Variants in SMCR8 observed in about 807,000 individuals in gnomAD.
SMCR8 encodes SMCR8-C9orf72 complex subunit.
A neutral mutation model predicts 56.6 loss-of-function variants in SMCR8; 30 were observed. The observed-to-expected ratio is 0.53, with a 90% CI of 0.40 to 0.72. The LOEUF (loss-of-function observed/expected upper bound fraction) is 0.72, where lower values mean the gene tolerates loss of function less well. Among genes scored for constraint, SMCR8 ranks in the 30% least tolerant of loss-of-function variants. The pLI is 0.00. For synonymous variants in SMCR8, 538 were observed against 456.0 expected (o/e 1.18, Z -2.29); for missense variants, 1,198 against 1,157.0 (o/e 1.04, Z -0.51).
chr17:18,317,797 A>G lies in SMCR8; in HGVS notation c.2008A>G (p.Asn670Asp), dbSNP rs911318729. Reference sequence around the variant, plus strand: ...GGACATCAGTAAGACCAGCCTGGACAACTACTCAGACACCACCAGCTACGT... The same window carrying G: ...GGACATCAGTAAGACCAGCCTGGACGACTACTCAGACACCACCAGCTACGT... ...SRDISKTSLD[N>D]YSDTTSYVSS... The change falls in exon 1 of 2, where the codon AAC becomes GAC. Residue 670 changes from asparagine (N) to aspartate (D), a missense_variant. Asn to Asp is a conservative substitution (Grantham distance 23). Transcript: ENST00000406438. 2.5e-6 allele frequency: 4 copies of G among 1,614,058 alleles called. No individual in the cohort carries two copies. The highest frequency in any genetic ancestry group is 1.3e-5 in the African/African-American group (1 of 74,946).
rs1982557975 is a variant in SMCR8 at position 18,323,257 on chromosome 17, A to G, written c.*187A>G. 1 of 584,806 alleles carries G rather than the reference A, an allele frequency of 1.7e-6. No homozygotes were observed. Among genetic ancestry groups the G allele is most frequent in the African/African-American group, 1.9e-5 (1 of 53,816 alleles). The allele number at this position is 584,806 out of a possible 1,614,324, so 36.2% of individuals were successfully genotyped here. A position where few individuals can be genotyped will look rare whatever the true frequency, so the allele number is the denominator to read the frequency against. On this transcript the variant is annotated 3_prime_UTR_variant, in exon 2 of 2. Transcript: ENST00000406438. ...AGAAGTGGAGCCTGGCTCCCTCTAAAGGCGTCTGGAGGGATGGTGACAGCT... is the reference window on the plus strand; with the variant it reads ...AGAAGTGGAGCCTGGCTCCCTCTAAGGGCGTCTGGAGGGATGGTGACAGCT...
chr17:18,323,502 T>C lies in SMCR8; in HGVS notation c.*432T>C, dbSNP rs1395131125. The C allele has an allele frequency of 1.1e-5, 2 of 185,718 alleles. No individual in the cohort carries two copies. Among genetic ancestry groups the C allele is most frequent in the Non-Finnish European group, 2.3e-5 (2 of 86,924 alleles). The allele number at this position is 185,718 out of a possible 1,614,324, so 11.5% of individuals were successfully genotyped here. ...GAGGGTGACAGCCAGGTAACTGTTG[T>C]GGTTTGGTGGAAAACAGGAGGGCAG... On this transcript the variant is annotated 3_prime_UTR_variant, in exon 2 of 2. Coordinates refer to ENST00000406438, the MANE Select transcript of SMCR8 (RefSeq NM_144775.3).
chr17:18,323,216 T>A lies in SMCR8; in HGVS notation c.*146T>A. On this transcript the variant is annotated 3_prime_UTR_variant, in exon 2 of 2. Transcript: ENST00000406438. ...TTCCCACGTGGCTCCTAGTAGTTTT[T>A]AAGTTGGACATGGGCAGAAGTGGAG... 1 of 699,988 alleles carries A rather than the reference T, an allele frequency of 1.4e-6. No homozygotes were observed. Among genetic ancestry groups the A allele is most frequent in the Non-Finnish European group, 2.4e-6 (1 of 423,758 alleles). 43.4% of individuals were successfully genotyped at this position (699,988 alleles called of 1,614,324 possible).
intron 1 of SMCR8, among the ~76,000 whole-genome samples, chr17:18,322,163 C>T (rs1207519465): frequency 6.6e-6 from 1 of 152,122 alleles, no homozygotes; most frequent in Non-Finnish European, 1.5e-5. Context: ...AGGCACCTGC[C>T]ACCACACCCG....
intron 1 of SMCR8, 31 bp from the exon 2 acceptor site, chr17:18,322,586 C>G: frequency 1.9e-6 from 3 of 1,599,016 alleles, no homozygotes; most frequent in Non-Finnish European, 2.6e-6. Flanking sequence ...GGCCCTTGCC[C>G]TTCCTCCTGA....
At chr17:18,319,720 T>TTTG (rs548980771) in intron 1 of SMCR8, among the ~76,000 whole-genome samples, 2,554 of 152,094 alleles carry the variant, frequency 0.017, 24 homozygotes, top group Non-Finnish European at 0.023. Context: ...TTGTGTGTTT[T>TTTG]TTGTTGTTGT....
Position 18,317,100 on chromosome 17 carries a change from G to A in SMCR8, c.1311G>A (p.Glu437=). 1 of 1,614,228 alleles carries A rather than the reference G, an allele frequency of 6.2e-7. No homozygotes were observed. The highest frequency in any genetic ancestry group is 1.1e-5 in the South Asian group (1 of 91,088). ...TGGAGCAGGAACTGGGAGATGAGGA[G>A]TACAAGGAAGTGGAAGTGACTGAGT... The part of the protein sequence containing the change: ...IKMEQELGDE[E]YKEVEVTELS... The change falls in exon 1 of 2, where the codon GAG becomes GAA. Residue 437 remains glutamate (E), a synonymous_variant. Transcript: ENST00000406438.
rs1982287898 is a variant in SMCR8 at position 18,316,455 on chromosome 17, A to G, written c.666A>G (p.Lys222=). ...ETEIQKKAND[K]GFYSSQAIEK... is the part of the protein sequence containing the mutation. ...AGATCCAGAAGAAAGCCAACGACAAAGGCTTTTACTCATCTCAGGCAATTG... is the reference window on the plus strand; with the variant it reads ...AGATCCAGAAGAAAGCCAACGACAAGGGCTTTTACTCATCTCAGGCAATTG... The change falls in exon 1 of 2, where the codon AAA becomes AAG. Residue 222 remains lysine, a synonymous_variant. Transcript: ENST00000406438. 3.7e-6 allele frequency: 6 copies of G among 1,614,058 alleles called. No individual in the cohort carries two copies. The highest frequency in any genetic ancestry group is 3.3e-5 in the South Asian group (3 of 91,090).
Position 18,322,851 on chromosome 17 carries a change from C to T in SMCR8, c.2595C>T (p.His865=), listed in dbSNP as rs1479022436. 2 of 1,614,028 alleles carry T rather than the reference C, an allele frequency of 1.2e-6. No individual in the cohort carries two copies. The highest frequency in any genetic ancestry group is 1.7e-5 in the Admixed American group (1 of 60,030). ...AGGCCTTCCTCTACACCTTCTGCCA[C>T]CACCTGCACCTGCCTACCCACGACA... The part of the protein sequence containing the change: ...CSKAFLYTFC[H]HLHLPTHDKE... Residue 865 remains histidine (H), a synonymous_variant, in exon 2 of 2, where the codon CAC becomes CAT. Coordinates refer to ENST00000406438, the MANE Select transcript of SMCR8 (RefSeq NM_144775.3).
intron 1 of SMCR8, among the ~76,000 whole-genome samples, chr17:18,318,405 T>G (rs1193610754): frequency 6.6e-6 from 1 of 152,200 alleles, no homozygotes; most frequent in African/African-American, 2.4e-5. Flanking sequence ...GTTTTTATTT[T>G]TATTTTTATT....
rs577223811 is a variant in SMCR8 at position 18,326,785 on chromosome 17, T to C, written c.*3715T>C. The C allele has an allele frequency of 6.6e-6, 1 of 152,450 alleles. No individual in the cohort carries two copies. Among genetic ancestry groups the C allele is most frequent in the East Asian group, 1.9e-4 (1 of 5,186 alleles). 9.4% of individuals were successfully genotyped at this position (152,450 alleles called of 1,614,324 possible). A position where few individuals can be genotyped will look rare whatever the true frequency, so the allele number is the denominator to read the frequency against. ...TGACTGCTGCCCGCAGTGCTGAACA[T>C]GCCCCACCGCCCAGGCCCAGCACTG... On this transcript the variant is annotated 3_prime_UTR_variant, in exon 2 of 2. Coordinates refer to ENST00000406438, the MANE Select transcript of SMCR8 (RefSeq NM_144775.3).
At position 18,315,862 on chromosome 17, in the gene SMCR8, G is replaced by A. The variant is rs373666029; in HGVS notation, c.73G>A (p.Ala25Thr). The change falls in exon 1 of 2, where the codon GCC becomes ACC. Residue 25 changes from alanine to threonine, a missense_variant. Ala to Thr is a moderately conservative substitution (Grantham distance 58, BLOSUM62 0). Transcript: ENST00000406438. The stretch of plus-strand genomic sequence containing the variant: ...TGAAGAAGAGCCTTACAATGAGCCG[G>A]CCCTGCCTGAGGAGTACTCGGTGCC... ...EYEEEPYNEP[A>T]LPEEYSVPLF... The A allele has an allele frequency of 3.7e-6, 6 of 1,613,840 alleles. No homozygotes were observed. The African/African-American group carries it at 5.3e-5, about 14-fold the overall frequency.
rs1165964273 is a variant in SMCR8, at chr17:18,317,062, G to T, written c.1273G>T (p.Val425Leu). Residue 425 changes from valine to leucine, a missense_variant, in exon 1 of 2, where the codon GTG (valine) becomes TTG (leucine). By Grantham distance (32) the Val-to-Leu change is conservative (BLOSUM62 1). Transcript: ENST00000406438. Reference protein sequence around the residue: ...VGSYKSSVESVLIKMEQELGD... With the variant: ...VGSYKSSVESLLIKMEQELGD... ...TTCTTACAAGTCCAGTGTGGAGTCT[G>T]TGTTGATCAAGATGGAGCAGGAACT... 6.2e-7 allele frequency: 1 copy of T among 1,614,084 alleles called. No individual in the cohort carries two copies. Among genetic ancestry groups the T allele is most frequent in the African/African-American group, 1.3e-5 (1 of 74,926 alleles).
In SMCR8 at chr17:18,322,603, CCTGT is replaced by C; in HGVS notation, c.2361-9_2361-6del. 6.2e-7 allele frequency: 1 copy of C among 1,609,312 alleles called. No individual in the cohort carries two copies. Among genetic ancestry groups the C allele is most frequent in the South Asian group, 1.1e-5 (1 of 90,948 alleles). ...CCCTTGCCCTTCCTCCTGACCTTGGCCTGTCTGTTTCAGAGTGGCCTCCCCTGCC... is the reference window on the plus strand; with the variant it reads ...CCCTTGCCCTTCCTCCTGACCTTGGCCTGTTTCAGAGTGGCCTCCCCTGCC... On this transcript the variant is annotated splice_polypyrimidine_tract_variant and intron_variant, in intron 1 of 1. Transcript: ENST00000406438.
rs767282053 is a variant in SMCR8, at chr17:18,318,057, C to T, written c.2268C>T (p.Ser756=). The T allele has an allele frequency of 6.2e-7, 1 of 1,614,264 alleles. No homozygotes were observed. The highest frequency in any genetic ancestry group is 1.1e-5 in the South Asian group (1 of 91,088). ...LVTALAIFVP[S]YGCYAKPVKH... ...CTGCACTGGCTATCTTTGTCCCCAG[C>T]TATGGCTGCTACGCTAAGCCCGTGA... Residue 756 remains serine (S), a synonymous_variant, in exon 1 of 2, where the codon AGC becomes AGT. Coordinates refer to ENST00000406438, the MANE Select transcript of SMCR8 (RefSeq NM_144775.3).
rs1246581085 is a variant in SMCR8, at chr17:18,316,457, G to C, written c.668G>C (p.Gly223Ala). The C allele has an allele frequency of 1.7e-5, 27 of 1,613,964 alleles. No individual in the cohort carries two copies. The highest frequency in any genetic ancestry group is 2.0e-5 in the Non-Finnish European group (24 of 1,180,026). ...ATCCAGAAGAAAGCCAACGACAAAG[G>C]CTTTTACTCATCTCAGGCAATTGAG... ...TEIQKKANDK[G>A]FYSSQAIEKA... Residue 223 changes from glycine to alanine, a missense_variant, in exon 1 of 2, where the codon GGC becomes GCC. By Grantham distance (60) the Gly-to-Ala change is moderately conservative. Transcript: ENST00000406438.
At chr17:18,320,285 G>T (rs921224078) in intron 1 of SMCR8, among the ~76,000 whole-genome samples, 1 of 152,220 alleles carries the variant, frequency 6.6e-6, no homozygotes, top group Admixed American at 6.5e-5. Context: ...GTGCGCTTGG[G>T]GGCTGGAGAG....
rs1160378022 is a variant in SMCR8, at chr17:18,316,842, C to T, written c.1053C>T (p.Tyr351=). 1.9e-6 allele frequency: 3 copies of T among 1,614,058 alleles called. No individual in the cohort carries two copies. The highest frequency in any genetic ancestry group is 1.7e-5 in the Admixed American group (1 of 59,998). The change falls in exon 1 of 2, where the codon TAC becomes TAT. Residue 351 remains tyrosine (Y), a synonymous_variant. Coordinates refer to ENST00000406438, the MANE Select transcript of SMCR8 (RefSeq NM_144775.3). ...ACATGTTCAGAGGAGACCTGTGTTA[C>T]CTCCTGACCAGTCAGATTGATAGAG... ...IEHMFRGDLC[Y]LLTSQIDRAL...
Position 18,317,017 on chromosome 17 carries a change from A to G in SMCR8, c.1228A>G (p.Lys410Glu). The G allele has an allele frequency of 1.2e-6, 2 of 1,614,172 alleles. No homozygotes were observed. The highest frequency in any genetic ancestry group is 2.2e-5 in the South Asian group (2 of 91,086). ...SSSLEECPIP[K>E]VLISVGSYKS... The stretch of plus-strand genomic sequence containing the variant: ...TTCTCTAGAAGAATGCCCAATTCCT[A>G]AAGTGTTAATTAGTGTTGGTTCTTA... Residue 410 changes from lysine (K) to glutamate (E), a missense_variant, in exon 1 of 2, where the codon AAA becomes GAA. Coordinates refer to ENST00000406438, the MANE Select transcript of SMCR8 (RefSeq NM_144775.3).
Sources: allele counts gnomAD v4.1 joint callset (sites outside exome capture counted in the v4.1 genomes callset), GRCh38; gene constraint gnomAD v4.1.1; transcripts MANE v1.5; gene names NCBI Gene and HGNC (gene_info 2026-07-23, HGNC 2026-07-21).